ADAM32: variants seen among roughly 807,000 people sequenced by gnomAD.
The protein encoded by ADAM32 is disintegrin and metalloproteinase domain-containing protein 32.
ADAM32 carries 89 observed loss-of-function variants against 114.9 expected under a neutral mutation model. The observed-to-expected ratio is 0.77, with a 90% confidence interval of 0.65 to 0.92. The LOEUF (loss-of-function observed/expected upper bound fraction) is 0.92, where lower values mean the gene tolerates loss of function less well. ADAM32 is among the 40% of genes least tolerant of loss of function. ADAM32 has a pLI of 0.00. For synonymous variants in ADAM32, 285 were observed against 307.5 expected, an observed-to-expected ratio of 0.93 and a Z score of 0.77; for missense variants, 870 against 932.8, an observed-to-expected ratio of 0.93 and a Z score of 0.88.
chr8:39,234,912 C>T (rs534222633), intron 16 of ADAM32, among the ~76,000 whole-genome samples: 1 of 152,248 alleles, frequency 6.6e-6, no homozygotes, highest in East Asian at 1.9e-4. Context: ...CTTAAGTGGA[C>T]CATTCAGGAG....
chr8:39,172,839 T>A (rs1248008908), intron 10 of ADAM32, among the ~76,000 whole-genome samples: 2 of 152,212 alleles, frequency 1.3e-5, no homozygotes, highest in African/African-American at 4.8e-5. Flanking sequence ...ATGATTTATA[T>A]TCCTTTGGGT....
chr8:39,157,522 C>A, intron 6 of ADAM32: 1 of 459,314 alleles, frequency 2.2e-6, no homozygotes, highest in Non-Finnish European at 4.2e-6. Flanking sequence ...ATCAGCTGTA[C>A]AATCTGTTCC....
In ADAM32 at chr8:39,164,792, T is replaced by G. The variant is rs1208011977; in HGVS notation, c.623T>G (p.Ile208Arg). 15 of 1,607,228 alleles carry G rather than the reference T, an allele frequency of 9.3e-6. No homozygotes were observed. Among genetic ancestry groups the G allele is most frequent in the African/African-American group, 1.3e-5 (1 of 74,820 alleles). ...GATTACTGGGGCTCTGATAGCATGATAGTAACAAATAAAGTCATCGAAATT... is the reference window on the plus strand; with the variant it reads ...GATTACTGGGGCTCTGATAGCATGAGAGTAACAAATAAAGTCATCGAAATT... ...LYDYWGSDSM[I>R]VTNKVIEIVG... The change falls in exon 8 of 25, where the codon ATA becomes AGA. Residue 208 changes from isoleucine to arginine, a missense_variant. Coordinates refer to ENST00000379907, the MANE Select transcript of ADAM32 (RefSeq NM_145004.7).
chr8:39,196,271 C>T (rs980257916), intron 11 of ADAM32, among the ~76,000 whole-genome samples: 2 of 152,022 alleles, frequency 1.3e-5, no homozygotes, highest in African/African-American at 4.8e-5. Flanking sequence ...TATATAAGAG[C>T]ATGTCACCTA....
intron 6 of ADAM32, among the ~76,000 whole-genome samples, chr8:39,155,859 G>A (rs1804112247): frequency 6.6e-6 from 1 of 150,830 alleles, no homozygotes; most frequent in Non-Finnish European, 1.5e-5. Flanking sequence ...TATTTTCTTA[G>A]TGGTTACTCT....
chr8:39,235,824 G>T (rs1810097969), intron 16 of ADAM32, among the ~76,000 whole-genome samples: 1 of 152,076 alleles, frequency 6.6e-6, no homozygotes, highest in African/African-American at 2.4e-5. Flanking sequence ...CCAGCGAGAA[G>T]ACTCAACATA....
intron 22 of ADAM32, among the ~76,000 whole-genome samples, chr8:39,280,455 G>A (rs1472738523): frequency 6.6e-6 from 1 of 152,122 alleles, no homozygotes; most frequent in African/African-American, 2.4e-5. Context: ...ACAAACTGCT[G>A]CAATTTATAT....
chr8:39,255,434 G>A (rs1428293460), intron 18 of ADAM32, among the ~76,000 whole-genome samples: 3 of 152,034 alleles, frequency 2.0e-5, no homozygotes, highest in Admixed American at 1.3e-4. Flanking sequence ...GCAGGAGTAA[G>A]GTGGTATTGC....
At chr8:39,273,913 A>G (rs554005432) in intron 20 of ADAM32, among the ~76,000 whole-genome samples, 2 of 152,288 alleles carry the variant, frequency 1.3e-5, no homozygotes, top group African/African-American at 4.8e-5. Context: ...TTTACAAAAT[A>G]CTGTCTTTTT....
At chr8:39,255,323 G>A (rs1811583891) in intron 18 of ADAM32, among the ~76,000 whole-genome samples, 1 of 151,950 alleles carries the variant, frequency 6.6e-6, no homozygotes. Flanking sequence ...CGTAGTGGCT[G>A]TGCTAGTTTA....
chr8:39,190,302 C>T (rs1183053240), intron 11 of ADAM32, among the ~76,000 whole-genome samples: 2 of 152,202 alleles, frequency 1.3e-5, no homozygotes, highest in Admixed American at 6.5e-5. Flanking sequence ...CACTGATTCA[C>T]ACTTAGGTTT....
intron 10 of ADAM32, among the ~76,000 whole-genome samples, chr8:39,183,870 AC>A (rs2129447026): frequency 6.6e-6 from 1 of 152,360 alleles, no homozygotes; most frequent in African/African-American, 2.4e-5. Context: ...TGTAGAAGAC[AC>A]TCTTTAAGCG....
At chr8:39,178,705 C>T (rs750066160) in intron 10 of ADAM32, among the ~76,000 whole-genome samples, 8 of 151,980 alleles carry the variant, frequency 5.3e-5, no homozygotes, top group Non-Finnish European at 1.2e-4. Flanking sequence ...TTTGTGGGGC[C>T]TTTTTTGTTG....
At chr8:39,182,344 CTA>C (rs1564549004) in intron 10 of ADAM32, among the ~76,000 whole-genome samples, 2 of 152,270 alleles carry the variant, frequency 1.3e-5, no homozygotes, top group South Asian at 2.1e-4. Context: ...AGATTCATGA[CTA>C]TGTGAGTAGA....
intron 11 of ADAM32, among the ~76,000 whole-genome samples, chr8:39,204,271 A>G (rs935840690): frequency 2.2e-4 from 33 of 152,326 alleles, no homozygotes; most frequent in Admixed American, 2.2e-3. Context: ...AGGTACACCA[A>G]TCAGACGTAG....
intron 11 of ADAM32, among the ~76,000 whole-genome samples, chr8:39,188,202 TTA>T (rs1397311325): frequency 1.3e-5 from 2 of 152,200 alleles, no homozygotes; most frequent in East Asian, 3.8e-4. Context: ...TCAACATATT[TTA>T]TATGTGTATA....
chr8:39,261,902 G>T (rs542254061), intron 19 of ADAM32, among the ~76,000 whole-genome samples: 1 of 152,044 alleles, frequency 6.6e-6, no homozygotes, highest in South Asian at 2.1e-4. Context: ...CTAATTGTTT[G>T]CTTTTTTCCT....
chr8:39,213,149 A>AT (rs1288965599), intron 12 of ADAM32, among the ~76,000 whole-genome samples: 3 of 152,080 alleles, frequency 2.0e-5, no homozygotes, highest in South Asian at 2.1e-4. Context: ...TCACATACTT[A>AT]TTATTTTTTT....
intron 19 of ADAM32, among the ~76,000 whole-genome samples, chr8:39,267,436 A>G (rs887875558): frequency 2.6e-5 from 4 of 152,192 alleles, no homozygotes; most frequent in Non-Finnish European, 5.9e-5. Context: ...TTTATTGCTG[A>G]GAACTACTCA....
Sources: allele counts gnomAD v4.1 joint callset (sites outside exome capture counted in the v4.1 genomes callset), GRCh38; gene constraint gnomAD v4.1.1; transcripts MANE v1.5; gene names NCBI Gene and HGNC (gene_info 2026-07-23, HGNC 2026-07-21).